Variants in TMEM52B observed in about 807,000 individuals in gnomAD.
The protein encoded by TMEM52B is transmembrane protein 52B.
In TMEM52B, 11 loss-of-function variants were observed where a neutral mutation model predicts 16.1. That is an observed-to-expected ratio of 0.68 (90% confidence interval 0.43 to 1.13). TMEM52B has a LOEUF of 1.13. Ranked by LOEUF, TMEM52B falls within the 50% of genes most tolerant of loss-of-function variation. The probability of loss-of-function intolerance (pLI) is 0.00; values close to 1 mark genes in which losing one functional copy is unlikely to be tolerated. For synonymous variants in TMEM52B, 101 were observed against 93.8 expected (o/e 1.08, Z -0.45); for missense variants, 243 against 230.4 (o/e 1.05, Z -0.35).
At chr12:10,176,811 G>A (rs1006244166), upstream of TMEM52B, among the ~76,000 whole-genome samples, 3 of 152,124 alleles carry the variant, frequency 2.0e-5, no homozygotes, top group African/African-American at 7.2e-5. Context: ...AAATGAAAAT[G>A]AGCCAATAGA....
At chr12:10,172,788 T>C (rs956481655) in intron 1 of TMEM52B, among the ~76,000 whole-genome samples, 5 of 152,228 alleles carry the variant, frequency 3.3e-5, no homozygotes, top group Non-Finnish European at 7.3e-5. Context: ...TCTATGTCTT[T>C]GTCTGGAAAT....
chr12:10,180,869 G>A (rs1255244758), intron 1 of TMEM52B, among the ~76,000 whole-genome samples: 1 of 152,184 alleles, frequency 6.6e-6, no homozygotes, highest in African/African-American at 2.4e-5. Flanking sequence ...GCAGTGGCAC[G>A]ATCTTGGCTG....
At chr12:10,184,214 T>C (rs1368300199) in intron 2 of TMEM52B, among the ~76,000 whole-genome samples, 1 of 152,224 alleles carries the variant, frequency 6.6e-6, no homozygotes, top group African/African-American at 2.4e-5. Flanking sequence ...GCAAGCTCCG[T>C]GCCCCTTCCC....
intron 2 of TMEM52B, among the ~76,000 whole-genome samples, 176 bp from the exon 3 acceptor site, chr12:10,185,154 A>G (rs1015621241): frequency 6.6e-6 from 1 of 152,228 alleles, no homozygotes; most frequent in African/African-American, 2.4e-5. Flanking sequence ...GTACTATTTA[A>G]AGCATATCAT....
chr12:10,186,668 A>G, intron 4 of TMEM52B, 79 bp downstream of exon 4: 2 of 1,343,790 alleles, frequency 1.5e-6, no homozygotes, highest in Non-Finnish European at 2.0e-6. Context: ...GTGTAGAACC[A>G]CTGATCGAGT....
At chr12:10,174,595 T>C (rs1220769316), upstream of TMEM52B, among the ~76,000 whole-genome samples, 1 of 152,206 alleles carries the variant, frequency 6.6e-6, no homozygotes, top group East Asian at 1.9e-4. Context: ...CTCCACTCGC[T>C]GGCCGAGTCT....
chr12:10,189,138 G>A (rs1169781288), intron 4 of TMEM52B, among the ~76,000 whole-genome samples: 3 of 150,332 alleles, frequency 2.0e-5, no homozygotes, highest in African/African-American at 7.3e-5. Flanking sequence ...GGGAGGTGGA[G>A]GTTGCAGCGA....
rs760249242 is a variant in TMEM52B at position 10,190,152 on chromosome 12, A to G, written c.*12A>G. 22 of 1,614,066 alleles carry G rather than the reference A, an allele frequency of 1.4e-5. No individual in the cohort carries two copies. Among genetic ancestry groups the G allele is most frequent in the Non-Finnish European group, 1.9e-5 (22 of 1,179,968 alleles). On this transcript the variant is annotated 3_prime_UTR_variant, in exon 5 of 5. Coordinates refer to ENST00000543484, the MANE Select transcript of TMEM52B (RefSeq NM_001384896.1). ...ACTCTTGGAACTGATGAGAGCTGTC[A>G]TTTTATAAATAGGAGTGGAGTGATG...
intron 1 of TMEM52B, among the ~76,000 whole-genome samples, chr12:10,172,662 T>G (rs892386484): frequency 2.0e-5 from 3 of 152,232 alleles, no homozygotes; most frequent in Non-Finnish European, 2.9e-5. Context: ...TATCTGGGGC[T>G]ACTAGTTCAT....
chr12:10,185,251 A>T, intron 2 of TMEM52B, 79 bp from the exon 3 acceptor site: 1 of 969,560 alleles, frequency 1.0e-6, no homozygotes, highest in Non-Finnish European at 1.7e-6. Context: ...ATCATATTGT[A>T]ACTCATATTT....
rs929592940 is a variant in TMEM52B, at chr12:10,172,801, G to A, written c.-95+1950G>A. Among the ~76,000 whole-genome samples, 8 of 152,176 alleles carry A rather than the reference G, an allele frequency of 5.3e-5. No homozygotes were observed. In the East Asian group the frequency reaches 1.3e-3, roughly 26 times the overall value. ...AATCTATGTCTTTGTCTGGAAATTAGGGATAATGTCTACCTGATAACATTG... is the reference window on the plus strand; with the variant it reads ...AATCTATGTCTTTGTCTGGAAATTAAGGATAATGTCTACCTGATAACATTG... On this transcript the variant is annotated intron_variant, in intron 1 of 5. Coordinates refer to the TMEM52B transcript ENST00000381923.
Position 10,190,924 on chromosome 12 carries a change from CACA to C in TMEM52B, c.*788_*790del, listed in dbSNP as rs1948950461. The stretch of plus-strand genomic sequence containing the variant: ...CTGTTTTGCCTGGACCACTTAAAGC[CACA>C]ACACCTCTATAGTGACACACGCTAG... On this transcript the variant is annotated 3_prime_UTR_variant, in exon 5 of 5. Coordinates refer to ENST00000543484, the MANE Select transcript of TMEM52B (RefSeq NM_001384896.1). 1 of 152,286 alleles carries C rather than the reference CACA, an allele frequency of 6.6e-6. No individual in the cohort carries two copies. Among genetic ancestry groups the C allele is most frequent in the African/African-American group, 2.4e-5 (1 of 41,442 alleles). 9.4% of individuals were successfully genotyped at this position (152,286 alleles called of 1,614,324 possible).
intron 4 of TMEM52B, among the ~76,000 whole-genome samples, chr12:10,189,049 A>C (rs1196919011): frequency 8.3e-6 from 1 of 119,990 alleles, no homozygotes; most frequent in Non-Finnish European, 1.7e-5. Flanking sequence ...AAAAAAAAAA[A>C]AATTAGCCAG....
rs577442548 is a variant in TMEM52B at position 10,179,585 on chromosome 12, G to C, written c.11G>C (p.Arg4Pro). MGV[R>P]VHVVAASALL... ...CAGGAATTCAGCCCGATGGGAGTCCGAGTTCATGTCGTGGCGGCCTCAGCC... is the reference window on the plus strand; with the variant it reads ...CAGGAATTCAGCCCGATGGGAGTCCCAGTTCATGTCGTGGCGGCCTCAGCC... Residue 4 changes from arginine to proline, a missense_variant, in exon 1 of 5, where the codon CGA becomes CCA. Physicochemically the swap from Arg to Pro is moderately radical, Grantham distance 103. Coordinates refer to ENST00000543484, the MANE Select transcript of TMEM52B (RefSeq NM_001384896.1). 2 of 1,614,206 alleles carry C rather than the reference G, an allele frequency of 1.2e-6. No homozygotes were observed. The highest frequency in any genetic ancestry group is 1.7e-6 in the Non-Finnish European group (2 of 1,180,036).
chr12:10,184,314 T>C (rs1024093398), intron 2 of TMEM52B, among the ~76,000 whole-genome samples: 2 of 152,188 alleles, frequency 1.3e-5, no homozygotes, highest in African/African-American at 4.8e-5. Context: ...TTCCCGGAGT[T>C]CTGTGAGCTG....
chr12:10,187,497 T>C (rs71450023), intron 4 of TMEM52B, among the ~76,000 whole-genome samples: 1 of 152,102 alleles, frequency 6.6e-6, no homozygotes, highest in South Asian at 2.1e-4. Flanking sequence ...CTCCGCCTCC[T>C]GGGTTGAAGA....
chr12:10,185,118 T>C (rs561739040), intron 2 of TMEM52B, among the ~76,000 whole-genome samples: 20 of 152,254 alleles, frequency 1.3e-4, no homozygotes, highest in Admixed American at 9.8e-4. Context: ...ACAAAATGAC[T>C]CAGACAATGC....
At chr12:10,180,091 A>G (rs917664736) in intron 1 of TMEM52B, among the ~76,000 whole-genome samples, 10 of 152,192 alleles carry the variant, frequency 6.6e-5, no homozygotes, top group African/African-American at 2.2e-4. Flanking sequence ...GGGCCCCACA[A>G]TGAATCAGAA....
rs140852340 is a variant in TMEM52B at position 10,173,879 on chromosome 12, T to C, written c.-95+3028T>C. On this transcript the variant is annotated intron_variant, in intron 1 of 5. Transcript: ENST00000381923. Reference sequence around the variant, plus strand: ...TGGATGCCATGAATATTATAGAACATAAAGTGTTTACCATTTCAACCATTT... The same window carrying C: ...TGGATGCCATGAATATTATAGAACACAAAGTGTTTACCATTTCAACCATTT... 1.6e-3 allele frequency among the ~76,000 whole-genome samples: 248 copies of C among 151,978 alleles called. 2 individuals are homozygous for C. Among genetic ancestry groups the C allele is most frequent in the African/African-American group, 5.9e-3 (245 of 41,466 alleles).
Sources: allele counts gnomAD v4.1 joint callset (sites outside exome capture counted in the v4.1 genomes callset), GRCh38; gene constraint gnomAD v4.1.1; transcripts MANE v1.5; gene names NCBI Gene and HGNC (gene_info 2026-07-23, HGNC 2026-07-21).